The following PTTG1IP2 variants were observed in gnomAD, a reference collection of about 807,000 sequenced individuals.
The protein encoded by PTTG1IP2 is PTTG1IP family member 2.
chr7:90,488,404 A>C (rs1045003264), intron 3 of PTTG1IP2, among the ~76,000 whole-genome samples: 15 of 152,192 alleles, frequency 9.9e-5, no homozygotes, highest in East Asian at 7.7e-4. Flanking sequence ...TTACTGAGAT[A>C]AGAAAAAAAA....
chr7:90,483,694 T>C (rs1584693318), intron 2 of PTTG1IP2, among the ~76,000 whole-genome samples: 1 of 152,210 alleles, frequency 6.6e-6, no homozygotes, highest in Non-Finnish European at 1.5e-5. Context: ...CAAAAACCTT[T>C]CAAATTAATC....
intron 1 of PTTG1IP2, among the ~76,000 whole-genome samples, chr7:90,471,941 C>T (rs1033280595): frequency 6.6e-6 from 1 of 152,110 alleles, no homozygotes; most frequent in African/African-American, 2.4e-5. Context: ...CTCTGATAAG[C>T]TCTAGCAAAC....
chr7:90,499,810 T>C (rs1180871918), intron 6 of PTTG1IP2, among the ~76,000 whole-genome samples: 3 of 152,082 alleles, frequency 2.0e-5, no homozygotes, highest in African/African-American at 7.2e-5. Flanking sequence ...CTTGAACTCC[T>C]CACCTCAAGT....
At chr7:90,488,761 CA>C (rs769096879) in intron 3 of PTTG1IP2, 109 bp from the exon 4 acceptor site, 7 of 151,970 alleles carry the variant, frequency 4.6e-5, no homozygotes, top group Admixed American at 2.6e-4. Context: ...TCATTACTTT[CA>C]ATAATCATTT....
At chr7:90,472,320 A>ACACACC (rs200172778) in intron 1 of PTTG1IP2, among the ~76,000 whole-genome samples, 4 of 101,856 alleles carry the variant, frequency 3.9e-5, no homozygotes, top group South Asian at 3.0e-4. Flanking sequence ...ACACACACAC[A>ACACACC]CCCCAAATAA....
rs1491565834 is a variant in PTTG1IP2, at chr7:90,497,713, T to TAAAAAAAAAAAAAAAAAAAAAA, written c.*50+3284_*50+3285insAAAAAAAAAAAAAAAAAAAAAA. ...GCCTGAGCGACAGAGAAAGACCCTG[T>TAAAAAAAAAAAAAAAAAAAAAA]ATAAAAAAAAAAAAAAAAAAAAAAA... is the stretch of plus-strand genomic sequence containing the variant. On this transcript the variant is annotated intron_variant, in intron 6 of 6. Transcript: ENST00000509356. 8.1e-5 allele frequency among the ~76,000 whole-genome samples: 4 copies of TAAAAAAAAAAAAAAAAAAAAAA among 49,598 alleles called. 1 individual carries two copies. The highest frequency in any genetic ancestry group is 6.2e-4 in the Admixed American group (2 of 3,250). The allele number at this position is 49,598 out of a possible 152,430, so 32.5% of individuals were successfully genotyped here.
chr7:90,509,312 G>A (rs899072617), intron 6 of PTTG1IP2, among the ~76,000 whole-genome samples: 3 of 152,102 alleles, frequency 2.0e-5, no homozygotes, highest in Non-Finnish European at 2.9e-5. Flanking sequence ...AAGGGTGGTA[G>A]CACTGGAAAC....
intron 4 of PTTG1IP2, among the ~76,000 whole-genome samples, chr7:90,490,118 T>A (rs1264418236): frequency 6.6e-6 from 1 of 152,020 alleles, no homozygotes; most frequent in South Asian, 2.1e-4. Context: ...ATTAGGAGAA[T>A]TTTGTGGTTC....
intron 1 of PTTG1IP2, among the ~76,000 whole-genome samples, chr7:90,472,897 G>A (rs1797707699): frequency 6.6e-6 from 1 of 152,156 alleles, no homozygotes; most frequent in Non-Finnish European, 1.5e-5. Context: ...TTGACACTAA[G>A]GTTTAAATGC....
chr7:90,479,421 C>T (rs1797791018), intron 2 of PTTG1IP2, 147 bp downstream of exon 2: 1 of 152,218 alleles, frequency 6.6e-6, no homozygotes, highest in Non-Finnish European at 1.5e-5. Flanking sequence ...TCTATTTATG[C>T]ATTTCAAACC....
At chr7:90,512,329 T>C (rs1798199867) in intron 6 of PTTG1IP2, among the ~76,000 whole-genome samples, 1 of 150,442 alleles carries the variant, frequency 6.6e-6, no homozygotes, top group African/African-American at 2.4e-5. Context: ...AAGAAGGGAG[T>C]AAAATTAGGG....
chr7:90,511,138 T>C (rs1798185585), intron 6 of PTTG1IP2, among the ~76,000 whole-genome samples: 1 of 152,262 alleles, frequency 6.6e-6, no homozygotes, highest in South Asian at 2.1e-4. Flanking sequence ...GGCCTCTCTT[T>C]AGTCTCCTCT....
intron 6 of PTTG1IP2, among the ~76,000 whole-genome samples, chr7:90,499,872 T>G (rs1344349254): frequency 6.6e-6 from 1 of 151,974 alleles, no homozygotes; most frequent in African/African-American, 2.4e-5. Context: ...CATGAGCCAC[T>G]GCACCTGGCC....
chr7:90,509,102 G>C (rs1798156395), intron 6 of PTTG1IP2, among the ~76,000 whole-genome samples: 1 of 144,736 alleles, frequency 6.9e-6, no homozygotes, highest in South Asian at 2.3e-4. Flanking sequence ...TATTTTGAAG[G>C]AATGTGAAGG....
At position 90,486,940 on chromosome 7, in the gene PTTG1IP2, G is replaced by T. The variant is rs572625137; in HGVS notation, c.193-387G>T. 2.6e-5 allele frequency among the ~76,000 whole-genome samples: 4 copies of T among 152,230 alleles called. No homozygotes were observed. The South Asian group carries it at 8.3e-4, about 32-fold the overall frequency. On this transcript the variant is annotated intron_variant, in intron 2 of 6. Transcript: ENST00000509356. Reference sequence around the variant, plus strand: ...GAGGTCTTAGCTAAATCTCACTCTTGGCCTGAATCATGGGCAGCCCTTGGG... The same window carrying T: ...GAGGTCTTAGCTAAATCTCACTCTTTGCCTGAATCATGGGCAGCCCTTGGG...
chr7:90,479,479 CAT>C (rs1325314486), intron 2 of PTTG1IP2, among the ~76,000 whole-genome samples: 1 of 151,840 alleles, frequency 6.6e-6, no homozygotes, highest in East Asian at 1.9e-4. Flanking sequence ...TAAGTACAAA[CAT>C]GTACTTCCTC....
At chr7:90,471,754 CT>C (rs1395146259) in intron 1 of PTTG1IP2, among the ~76,000 whole-genome samples, 1 of 152,118 alleles carries the variant, frequency 6.6e-6, no homozygotes, top group Non-Finnish European at 1.5e-5. Context: ...GGTATCCATT[CT>C]TTTTCTTATT....
chr7:90,491,634 A>G (rs1797939553), intron 4 of PTTG1IP2, among the ~76,000 whole-genome samples: 1 of 152,114 alleles, frequency 6.6e-6, no homozygotes, highest in African/African-American at 2.4e-5. Context: ...GAAAAAAAAA[A>G]AAAAGAAATA....
intron 1 of PTTG1IP2, among the ~76,000 whole-genome samples, chr7:90,472,322 C>CACA (rs1797701607): frequency 8.0e-6 from 1 of 125,338 alleles, no homozygotes; most frequent in African/African-American, 3.3e-5. Flanking sequence ...ACACACACAC[C>CACA]CCAAATAATC....
Sources: allele counts gnomAD v4.1 joint callset (sites outside exome capture counted in the v4.1 genomes callset), GRCh38; gene constraint gnomAD v4.1.1; transcripts MANE v1.5; gene names NCBI Gene and HGNC (gene_info 2026-07-23, HGNC 2026-07-21).